The following CPNE9 variants were observed in gnomAD, a reference collection of about 807,000 sequenced individuals.
The protein encoded by CPNE9 is copine-9.
In CPNE9, 59 loss-of-function variants were observed where a neutral mutation model predicts 83.0. The observed-to-expected ratio is 0.71, with a 90% CI of 0.58 to 0.88. CPNE9 has a LOEUF of 0.88. Ranked by LOEUF, CPNE9 falls within the 40% of genes least tolerant of loss-of-function variation. The probability of loss-of-function intolerance (pLI) is 0.00; values close to 1 mark genes in which losing one functional copy is unlikely to be tolerated. For synonymous variants in CPNE9, 256 were observed against 273.4 expected (o/e 0.94, Z 0.63); for missense variants, 619 against 720.8 (o/e 0.86, Z 1.62).
rs1220028057 is a variant in CPNE9, at chr3:9,715,367, G to A, written c.768+3G>A. 4 of 1,614,072 alleles carry A rather than the reference G, an allele frequency of 2.5e-6. No individual in the cohort carries two copies. The highest frequency in any genetic ancestry group is 1.3e-5 in the African/African-American group (1 of 74,908). On this transcript the variant is annotated splice_donor_region_variant and intron_variant, in intron 12 of 20. Transcript: ENST00000383832. ...AGAACCAGTTCACAGTATATGAGGT[G>A]AGCATTCCAGCCCTGCCCAGGTCAC...
Position 9,704,516 on chromosome 3 carries a change from C to CG in CPNE9, c.69-69dup. On this transcript the variant is annotated intron_variant, in intron 1 of 20. Coordinates refer to ENST00000383832, the MANE Select transcript of CPNE9 (RefSeq NM_153635.3). This position sits in a 1 kb window ranked among gnomAD's most constrained non-coding sequence, Gnocchi z 7.1. ...GGGCCCCATGCCTCTCCTCAGTGCC[C>CG]GGCTCAGAGCCGACTCGAGGCGGGC... 1 of 1,358,328 alleles carries CG rather than the reference C, an allele frequency of 7.4e-7. No homozygotes were observed. Among genetic ancestry groups the CG allele is most frequent in the Non-Finnish European group, 1.1e-6 (1 of 946,490 alleles). The allele number at this position is 1,358,328 out of a possible 1,614,324, so 84.1% of individuals were successfully genotyped here.
rs751331574 is a variant in CPNE9, at chr3:9,715,526, T to C, written c.822T>C (p.Thr274=). 6.2e-7 allele frequency: 1 copy of C among 1,613,396 alleles called. No individual in the cohort carries two copies. The highest frequency in any genetic ancestry group is 8.5e-7 in the Non-Finnish European group (1 of 1,179,268). ...CKKKKYVNSG[T]VTLLSFSVDS... is the part of the protein sequence containing the mutation. ...AGAAGAAATATGTCAACTCAGGAAC[T>C]GTGAGTGCTCCCTAGAGCCGTGGCC... The change falls in exon 13 of 21, where the codon ACT becomes ACC. Residue 274 remains threonine (T), a splice_region_variant and synonymous_variant. Transcript: ENST00000383832.
chr3:9,717,881 C>T (rs1399884219), intron 15 of CPNE9, 148 bp from the exon 16 acceptor site: 2 of 643,118 alleles, frequency 3.1e-6, no homozygotes, highest in Non-Finnish European at 2.6e-6. Flanking sequence ...GATAAATGAA[C>T]AAATGGATGA....
At position 9,729,732 on chromosome 3, in the gene CPNE9, C is replaced by A; in HGVS notation, c.*40C>A. The A allele has an allele frequency of 6.4e-7, 1 of 1,568,976 alleles. No individual in the cohort carries two copies. Among genetic ancestry groups the A allele is most frequent in the South Asian group, 1.2e-5 (1 of 86,524 alleles). On this transcript the variant is annotated 3_prime_UTR_variant, in exon 21 of 21. Coordinates refer to ENST00000383832, the MANE Select transcript of CPNE9 (RefSeq NM_153635.3). ...CAATGCCTCACAGTCTGCAAGCCTG[C>A]TCACCCACTGCTTCTGCTTTAAGCC...
chr3:9,705,445 G>A lies in CPNE9; in HGVS notation c.261-19G>A. ...CCCCCACCCAGCCCCACCCCACACC[G>A]GTTCCACTCTTTTCCCAGGTACAAC... On this transcript the variant is annotated intron_variant, in intron 4 of 20. Coordinates refer to ENST00000383832, the MANE Select transcript of CPNE9 (RefSeq NM_153635.3). The A allele has an allele frequency of 8.0e-6, 3 of 373,494 alleles. No homozygotes were observed. The highest frequency in any genetic ancestry group is 1.4e-5 in the Non-Finnish European group (3 of 216,626). 23.1% of individuals were successfully genotyped at this position (373,494 alleles called of 1,614,324 possible).
intron 7 of CPNE9, among the ~76,000 whole-genome samples, chr3:9,710,337 G>C (rs2076614355): frequency 6.6e-6 from 1 of 152,238 alleles, no homozygotes; most frequent in Non-Finnish European, 1.5e-5. Context: ...TATAGCAACT[G>C]TAGGAGTCAC....
intron 17 of CPNE9, among the ~76,000 whole-genome samples, chr3:9,719,733 C>T (rs2076717875): frequency 6.6e-6 from 1 of 152,064 alleles, no homozygotes; most frequent in Non-Finnish European, 1.5e-5. Context: ...GTGGCTCACA[C>T]CTGTAATCCC....
intron 10 of CPNE9, among the ~76,000 whole-genome samples, chr3:9,713,572 G>GA (rs2125465756): frequency 6.6e-6 from 1 of 152,218 alleles, no homozygotes; most frequent in Admixed American, 6.5e-5. Context: ...ATGAGAGTTT[G>GA]ATGGATGACT....
At chr3:9,712,375 C>G (rs538121256) in intron 7 of CPNE9, among the ~76,000 whole-genome samples, 166 bp from the exon 8 acceptor site, 2 of 152,284 alleles carry the variant, frequency 1.3e-5, no homozygotes, top group South Asian at 4.2e-4. Flanking sequence ...ACTGCAGACC[C>G]CACCCAGTCA....
intron 17 of CPNE9, among the ~76,000 whole-genome samples, chr3:9,720,291 T>G (rs903397607): frequency 1.5e-4 from 23 of 151,892 alleles, no homozygotes; most frequent in Admixed American, 2.6e-4. Flanking sequence ...AGTAAAAAGA[T>G]TAAACAAAAA....
At position 9,704,481 on chromosome 3, in the gene CPNE9, G is replaced by A. The variant is rs146296390; in HGVS notation, c.69-106G>A. Reference sequence around the variant, plus strand: ...GCTGGGGGTAGCCATGGGGGACAGAGGTTCGATGCGGGCCCCATGCCTCTC... The same window carrying A: ...GCTGGGGGTAGCCATGGGGGACAGAAGTTCGATGCGGGCCCCATGCCTCTC... On this transcript the variant is annotated intron_variant, in intron 1 of 20. Transcript: ENST00000383832. The surrounding 1 kb of genome is among the most constrained non-coding windows in gnomAD (Gnocchi z 7.1). The A allele has an allele frequency of 2.1e-6, 2 of 948,278 alleles. No homozygotes were observed. Among genetic ancestry groups the A allele is most frequent in the South Asian group, 1.3e-5 (1 of 77,796 alleles). The allele number at this position is 948,278 out of a possible 1,614,324, so 58.7% of individuals were successfully genotyped here. A position where few individuals can be genotyped will look rare whatever the true frequency, so the allele number is the denominator to read the frequency against.
intron 10 of CPNE9, among the ~76,000 whole-genome samples, chr3:9,714,046 C>G (rs1401506979): frequency 2.0e-5 from 3 of 151,714 alleles, no homozygotes; most frequent in Admixed American, 2.0e-4. Flanking sequence ...GCACTCCAGC[C>G]TGGGCGACAG....
rs201553272 is a variant in CPNE9 at position 9,704,713 on chromosome 3, G to A, written c.110-36G>A. The A allele has an allele frequency of 2.8e-4, 451 of 1,611,552 alleles. 2 individuals are homozygous for A. Among genetic ancestry groups the A allele is most frequent in the Admixed American group, 3.0e-4 (18 of 59,990 alleles). ...GGAGTCGGGGCCAGGGGTGGGAGCCGACCTGACGTCCTTCCCTCCCCGCCC... is the reference window on the plus strand; with the variant it reads ...GGAGTCGGGGCCAGGGGTGGGAGCCAACCTGACGTCCTTCCCTCCCCGCCC... On this transcript the variant is annotated intron_variant, in intron 2 of 20. Transcript: ENST00000383832. The surrounding 1 kb of genome is among the most constrained non-coding windows in gnomAD (Gnocchi z 7.1).
At chr3:9,722,162 C>CCT (rs982947323) in intron 17 of CPNE9, among the ~76,000 whole-genome samples, 5 of 151,002 alleles carry the variant, frequency 3.3e-5, no homozygotes, top group African/African-American at 9.7e-5. Context: ...GGTGATCCAC[C>CCT]CCCCCCCGCC....
chr3:9,724,930 T>C (rs1049061312), intron 17 of CPNE9, among the ~76,000 whole-genome samples: 1 of 152,026 alleles, frequency 6.6e-6, no homozygotes, highest in African/African-American at 2.4e-5. Context: ...CTAGTTTTTG[T>C]ATTTTTCATA....
In CPNE9 at chr3:9,704,050, T is replaced by C. The variant is rs750398731; in HGVS notation, c.54T>C (p.Ile18=). ...GCGTCCCGGCCACCAAGATTGAAAT[T>C]ACCGTGTCCTGCCGGTGAGCGGGCC... is the stretch of plus-strand genomic sequence containing the variant. ...ERSVPATKIE[I]TVSCRNLLDL... Residue 18 remains isoleucine (I), a synonymous_variant, in exon 1 of 21, where the codon ATT becomes ATC. Transcript: ENST00000383832. This position sits in a 1 kb window ranked among gnomAD's most constrained non-coding sequence, Gnocchi z 7.1. 1.9e-6 allele frequency: 3 copies of C among 1,608,596 alleles called. No individual in the cohort carries two copies. The highest frequency in any genetic ancestry group is 2.5e-6 in the Non-Finnish European group (3 of 1,178,504).
At chr3:9,726,225 T>C (rs1192567338) in intron 18 of CPNE9, among the ~76,000 whole-genome samples, 174 bp downstream of exon 18, 1 of 152,156 alleles carries the variant, frequency 6.6e-6, no homozygotes, top group Non-Finnish European at 1.5e-5. Context: ...GCAAAAGCAG[T>C]AGCTGGAGTA....
intron 17 of CPNE9, among the ~76,000 whole-genome samples, chr3:9,721,500 TAGA>T (rs1332759226): frequency 6.6e-6 from 1 of 152,210 alleles, no homozygotes; most frequent in Non-Finnish European, 1.5e-5. Context: ...AGAACCCACT[TAGA>T]GGAGCAGACA....
chr3:9,705,796 A>G, intron 6 of CPNE9, 76 bp downstream of exon 6: 2 of 1,512,844 alleles, frequency 1.3e-6, no homozygotes, highest in Non-Finnish European at 1.8e-6. Context: ...CTGATGACCC[A>G]CTACAAGGCA....
Sources: allele counts gnomAD v4.1 joint callset (sites outside exome capture counted in the v4.1 genomes callset), GRCh38; gene constraint gnomAD v4.1.1; non-coding constraint Gnocchi (gnomAD v3.1); transcripts MANE v1.5; gene names NCBI Gene and HGNC (gene_info 2026-07-23, HGNC 2026-07-21).